EYS: variants seen among roughly 807,000 people sequenced by gnomAD.
The protein encoded by EYS is EGF-like photoreceptor maintenance factor.
Under a neutral mutation model 282.1 loss-of-function variants are expected in EYS, and 250 were observed. That is an observed-to-expected ratio of 0.89 (90% confidence interval 0.80 to 0.98). EYS has a LOEUF of 0.98. Ranked by LOEUF, EYS falls within the 50% of genes least tolerant of loss-of-function variation. The probability of loss-of-function intolerance (pLI) is 0.00; values close to 1 mark genes in which losing one functional copy is unlikely to be tolerated. For synonymous variants in EYS, 1,355 were observed against 1,282.9 expected (o/e 1.06, Z -1.20); for missense variants, 4,016 against 3,709.0 (o/e 1.08, Z -2.15).
intron 12 of EYS, among the ~76,000 whole-genome samples, chr6:65,132,420 T>A (rs1296592269): frequency 6.6e-6 from 1 of 152,064 alleles, no homozygotes; most frequent in African/African-American, 2.4e-5. Flanking sequence ...TGTAAATCAA[T>A]GAATGTGATT....
At chr6:65,169,869 C>CTA (rs1156267922) in intron 12 of EYS, among the ~76,000 whole-genome samples, 1 of 151,430 alleles carries the variant, frequency 6.6e-6, no homozygotes, top group African/African-American at 2.4e-5. Context: ...TCCTTTGGTA[C>CTA]TATACACATT....
At chr6:65,646,788 AG>A (rs1767469015) in intron 1 of EYS, among the ~76,000 whole-genome samples, 2 of 152,334 alleles carry the variant, frequency 1.3e-5, no homozygotes, top group South Asian at 4.1e-4. Flanking sequence ...TTATCTAAAA[AG>A]CTCCTAGAAC....
intron 2 of EYS, among the ~76,000 whole-genome samples, chr6:65,504,831 T>C (rs889835621): frequency 2.6e-5 from 4 of 151,714 alleles, no homozygotes; most frequent in African/African-American, 7.2e-5. Flanking sequence ...GTTGAGAATG[T>C]TGTGTCTATG....
intron 12 of EYS, among the ~76,000 whole-genome samples, chr6:65,255,133 A>G (rs932416550): frequency 8.6e-5 from 13 of 152,020 alleles, no homozygotes; most frequent in African/African-American, 3.1e-4. Flanking sequence ...AAATTATGCT[A>G]TAGAGCTATT....
intron 22 of EYS, among the ~76,000 whole-genome samples, chr6:64,697,531 C>A (rs1241598098): frequency 1.3e-5 from 2 of 152,080 alleles, no homozygotes; most frequent in Admixed American, 1.3e-4. Context: ...GACTTTAGAC[C>A]AAATAAACCT....
chr6:63,909,674 T>G (rs757152894), intron 35 of EYS, among the ~76,000 whole-genome samples: 4 of 152,218 alleles, frequency 2.6e-5, no homozygotes, highest in Non-Finnish European at 4.4e-5. Context: ...AGAGAGCTGC[T>G]TGTTAAACCT....
intron 31 of EYS, among the ~76,000 whole-genome samples, chr6:64,097,235 C>T (rs111682394): frequency 3.1e-4 from 47 of 152,260 alleles, no homozygotes; most frequent in African/African-American, 1.0e-3. Flanking sequence ...TTCCGTTCTC[C>T]GATCTCAAGC....
chr6:64,233,888 A>G, intron 30 of EYS, among the ~76,000 whole-genome samples: 1 of 152,224 alleles, frequency 6.6e-6, no homozygotes, highest in South Asian at 2.1e-4. Context: ...CACAGCAAGC[A>G]GCCTGTGAAA....
intron 28 of EYS, among the ~76,000 whole-genome samples, chr6:64,428,943 A>G (rs1001903269): frequency 6.6e-6 from 1 of 152,160 alleles, no homozygotes; most frequent in Non-Finnish European, 1.5e-5. Context: ...TTCTTTTGGT[A>G]ACATCTGCCC....
At chr6:65,292,329 G>A (rs1768549190) in intron 12 of EYS, among the ~76,000 whole-genome samples, 1 of 151,622 alleles carries the variant, frequency 6.6e-6, no homozygotes. Flanking sequence ...CTATCCATGA[G>A]GTCTTAACAG....
chr6:65,014,229 G>T (rs558123632), intron 13 of EYS, among the ~76,000 whole-genome samples: 2 of 152,304 alleles, frequency 1.3e-5, no homozygotes, highest in African/African-American at 2.4e-5. Flanking sequence ...AGTGAGCTTG[G>T]AAGAGAAACG....
intron 40 of EYS, among the ~76,000 whole-genome samples, chr6:63,770,458 C>A (rs1409123311): frequency 6.6e-6 from 1 of 152,002 alleles, no homozygotes; most frequent in African/African-American, 2.4e-5. Flanking sequence ...AGCACAGACA[C>A]AAAATCTATG....
chr6:63,783,669 C>A (rs952690515), intron 39 of EYS, among the ~76,000 whole-genome samples: 1 of 152,126 alleles, frequency 6.6e-6, no homozygotes, highest in African/African-American at 2.4e-5. Flanking sequence ...TGAGTGAGCT[C>A]AGAGAGTGGG....
intron 29 of EYS, among the ~76,000 whole-genome samples, chr6:64,348,953 T>C (rs1267475986): frequency 1.3e-5 from 2 of 151,458 alleles, no homozygotes; most frequent in Non-Finnish European, 3.0e-5. Flanking sequence ...TTTTACCCAG[T>C]GCTTTTATTA....
rs77483265 is a variant in EYS, at chr6:64,425,125, G to A, written c.5927+11049C>T. Among the ~76,000 whole-genome samples, 201 of 152,264 alleles carry A rather than the reference G, an allele frequency of 1.3e-3. 2 individuals are homozygous for A. The highest frequency in any genetic ancestry group is 4.6e-3 in the African/African-American group (191 of 41,560). On this transcript the variant is annotated intron_variant, in intron 28 of 42. Coordinates refer to ENST00000503581, the MANE Select transcript of EYS (RefSeq NM_001142800.2). The stretch of plus-strand genomic sequence containing the variant: ...CAAAGTGAATGCAGCGTGTGAGAGG[G>A]AGGAAGTCAGGTATTGGGTGAGGTC...
At chr6:63,793,050 G>A (rs754316181) in intron 37 of EYS, among the ~76,000 whole-genome samples, 1 of 152,168 alleles carries the variant, frequency 6.6e-6, no homozygotes, top group Non-Finnish European at 1.5e-5. Flanking sequence ...AATATATTAT[G>A]TTTAATGACT....
chr6:65,210,103 A>G (rs2150251473), intron 12 of EYS, among the ~76,000 whole-genome samples: 1 of 152,176 alleles, frequency 6.6e-6, no homozygotes, highest in African/African-American at 2.4e-5. Context: ...CTGAGAAGAA[A>G]AGGAAAACAG....
intron 2 of EYS, among the ~76,000 whole-genome samples, chr6:65,555,823 T>G (rs1582450756): frequency 6.6e-6 from 1 of 152,188 alleles, no homozygotes; most frequent in Admixed American, 6.5e-5. Context: ...GCTGTAAGTA[T>G]AAAAAATGCA....
At chr6:64,235,652 G>A (rs1326185562) in intron 30 of EYS, among the ~76,000 whole-genome samples, 1 of 152,104 alleles carries the variant, frequency 6.6e-6, no homozygotes, top group African/African-American at 2.4e-5. Flanking sequence ...CTAGATCCCT[G>A]AGGAATCGCC....
Sources: allele counts gnomAD v4.1 joint callset (sites outside exome capture counted in the v4.1 genomes callset), GRCh38; gene constraint gnomAD v4.1.1; transcripts MANE v1.5; gene names NCBI Gene and HGNC (gene_info 2026-07-23, HGNC 2026-07-21).